Variants in ADK observed in about 807,000 individuals in gnomAD.
ADK encodes N6,N6-dimethyladenosine kinase.
ADK carries 24 observed loss-of-function variants against 44.7 expected under a neutral mutation model. That is an observed-to-expected ratio of 0.54 (90% CI 0.39 to 0.76). The LOEUF is 0.76. Among genes scored for constraint, ADK ranks in the 30% least tolerant of loss-of-function variants. The pLI, the probability that ADK is intolerant of heterozygous loss-of-function variation, is 0.00. For synonymous variants in ADK, 128 were observed against 142.6 expected, an observed-to-expected ratio of 0.90 and a Z score of 0.73; for missense variants, 321 against 425.1, an observed-to-expected ratio of 0.76 and a Z score of 2.15.
At chr10:74,471,550 G>A (rs1353349092) in intron 6 of ADK, among the ~76,000 whole-genome samples, 2 of 152,100 alleles carry the variant, frequency 1.3e-5, no homozygotes, top group Non-Finnish European at 2.9e-5. Flanking sequence ...ATGTCATTGG[G>A]ATTTGTATAG....
At chr10:74,317,843 G>A (rs577642100) in intron 4 of ADK, among the ~76,000 whole-genome samples, 21 of 152,100 alleles carry the variant, frequency 1.4e-4, no homozygotes, top group African/African-American at 3.1e-4. Flanking sequence ...GTGCAGTGGC[G>A]CGATCTCTGC....
intron 6 of ADK, among the ~76,000 whole-genome samples, chr10:74,401,629 T>A (rs2132876278): frequency 6.6e-6 from 1 of 152,280 alleles, no homozygotes; most frequent in Admixed American, 6.5e-5. Context: ...TTTGAGCCTA[T>A]GTGTGTCTCT....
chr10:74,540,636 T>G (rs1297094074), intron 7 of ADK, among the ~76,000 whole-genome samples: 2 of 152,062 alleles, frequency 1.3e-5, no homozygotes, highest in Non-Finnish European at 2.9e-5. Context: ...ATGTTTGTAT[T>G]TTTAGTAGAG....
intron 6 of ADK, among the ~76,000 whole-genome samples, chr10:74,494,697 C>T (rs564589581): frequency 6.6e-6 from 1 of 151,964 alleles, no homozygotes. Context: ...TAGTCTCACT[C>T]TGTTGCCCAG....
chr10:74,294,178 A>G (rs928911622), intron 3 of ADK, among the ~76,000 whole-genome samples: 1 of 152,090 alleles, frequency 6.6e-6, no homozygotes, highest in Non-Finnish European at 1.5e-5. Flanking sequence ...TCTACTGTTG[A>G]TGATGAATAT....
chr10:74,569,401 A>G (rs1448492863), intron 7 of ADK, among the ~76,000 whole-genome samples: 1 of 152,208 alleles, frequency 6.6e-6, no homozygotes, highest in East Asian at 1.9e-4. Context: ...CAACAGTGTG[A>G]AAGTGTTTCT....
intron 3 of ADK, among the ~76,000 whole-genome samples, chr10:74,283,216 TTTTATAACGACC>T (rs1847015397): frequency 6.6e-6 from 1 of 152,152 alleles, no homozygotes; most frequent in Non-Finnish European, 1.5e-5. Flanking sequence ...TGGACTCCTC[TTTTATAACGACC>T]TTTATCTCCA....
chr10:74,185,860 A>G (rs1842737066), intron 1 of ADK, among the ~76,000 whole-genome samples: 1 of 150,472 alleles, frequency 6.6e-6, no homozygotes, highest in Admixed American at 6.6e-5. Flanking sequence ...AAAAAAAAAA[A>G]AAAAAGAAAC....
At chr10:74,524,474 C>T (rs1416782352) in intron 6 of ADK, among the ~76,000 whole-genome samples, 2 of 152,116 alleles carry the variant, frequency 1.3e-5, no homozygotes, top group East Asian at 3.9e-4. Flanking sequence ...CTCACTTCAA[C>T]CTCCACCACC....
intron 9 of ADK, among the ~76,000 whole-genome samples, chr10:74,638,522 TG>T (rs1853703710): frequency 6.6e-6 from 1 of 152,098 alleles, no homozygotes; most frequent in South Asian, 2.1e-4. Flanking sequence ...CCAGGCATGG[TG>T]GCACACGCCT....
intron 4 of ADK, among the ~76,000 whole-genome samples, chr10:74,319,457 T>C (rs976611869): frequency 2.0e-5 from 3 of 152,162 alleles, no homozygotes; most frequent in Non-Finnish European, 4.4e-5. Flanking sequence ...TGTCCTAATG[T>C]CTTCTTATAA....
At chr10:74,678,643 G>T (rs1772619383) in intron 10 of ADK, among the ~76,000 whole-genome samples, 1 of 152,122 alleles carries the variant, frequency 6.6e-6, no homozygotes, top group African/African-American at 2.4e-5. Flanking sequence ...TGAAACTTAG[G>T]TTTCTTATAT....
At chr10:74,425,217 G>A (rs890838996) in intron 6 of ADK, among the ~76,000 whole-genome samples, 1 of 152,196 alleles carries the variant, frequency 6.6e-6, no homozygotes, top group African/African-American at 2.4e-5. Context: ...TAGGTAACAT[G>A]AGTTCCAGAT....
rs60369604 is a variant in ADK, at chr10:74,663,248, A to T, written c.878-6935A>T. 9.2e-4 allele frequency among the ~76,000 whole-genome samples: 130 copies of T among 140,850 alleles called. 1 individual carries two copies. The highest frequency in any genetic ancestry group is 1.5e-3 in the African/African-American group (58 of 37,796). The allele number at this position is 140,850 out of a possible 152,430, so 92.4% of individuals were successfully genotyped here. ...AGATGCTATCTCAAAAAAAAAAAAT[A>T]ATATATATATATATATATATGTATC... On this transcript the variant is annotated intron_variant, in intron 9 of 10. Coordinates refer to ENST00000539909, the MANE Select transcript of ADK (RefSeq NM_006721.4).
At chr10:74,529,750 C>T (rs957810741) in intron 7 of ADK, among the ~76,000 whole-genome samples, 1 of 151,964 alleles carries the variant, frequency 6.6e-6, no homozygotes, top group Non-Finnish European at 1.5e-5. Context: ...TATATAGTAC[C>T]TAAGTACCTA....
At chr10:74,208,311 C>G (rs1410398047) in intron 2 of ADK, among the ~76,000 whole-genome samples, 1 of 152,264 alleles carries the variant, frequency 6.6e-6, no homozygotes, top group Non-Finnish European at 1.5e-5. Flanking sequence ...TCCCAGCTCC[C>G]ATGGGCTCTG....
intron 7 of ADK, among the ~76,000 whole-genome samples, chr10:74,545,399 T>C (rs1849789611): frequency 6.6e-6 from 1 of 152,184 alleles, no homozygotes; most frequent in Non-Finnish European, 1.5e-5. Context: ...GGTACCCTTA[T>C]ACTAATTTAA....
intron 6 of ADK, among the ~76,000 whole-genome samples, chr10:74,417,658 C>A (rs1246971538): frequency 2.0e-5 from 3 of 151,850 alleles, no homozygotes; most frequent in African/African-American, 4.8e-5. Context: ...CATCAGCGAA[C>A]CATATCTGAC....
At chr10:74,495,466 G>A (rs751994002) in intron 6 of ADK, among the ~76,000 whole-genome samples, 6 of 152,084 alleles carry the variant, frequency 3.9e-5, no homozygotes, top group Non-Finnish European at 7.4e-5. Context: ...TTTCATAGGG[G>A]AAGTAATTTA....
Sources: gnomAD v4.1 joint callset for allele counts (sites outside exome capture counted in the v4.1 genomes callset) on GRCh38, gnomAD v4.1.1 for gene constraint, MANE v1.5 for transcripts, NCBI Gene and HGNC (gene_info 2026-07-23, HGNC 2026-07-21) for gene names.